Variants in GPC5 observed in about 807,000 individuals in gnomAD.
GPC5 encodes the protein glypican-5.
A neutral mutation model predicts 53.9 loss-of-function variants in GPC5; 47 were observed. The ratio of observed to expected loss-of-function variants is 0.87; its 90% CI spans 0.69 to 1.11. GPC5 has a LOEUF of 1.11. GPC5 is among the 50% of genes most tolerant of loss of function. The pLI, the probability that GPC5 is intolerant of heterozygous loss-of-function variation, is 0.00. For missense variants in GPC5, 748 were observed against 713.1 expected (o/e 1.05, Z -0.56); for synonymous variants, 286 against 263.3 (o/e 1.09, Z -0.84).
chr13:91,431,157 G>T (rs1316475516), intron 1 of GPC5, among the ~76,000 whole-genome samples: 1 of 152,124 alleles, frequency 6.6e-6, no homozygotes, highest in Non-Finnish European at 1.5e-5. Flanking sequence ...GGGATTACAG[G>T]TATGAGCCAC....
intron 2 of GPC5, among the ~76,000 whole-genome samples, chr13:91,686,489 C>G (rs778459787): frequency 5.9e-4 from 89 of 151,842 alleles, no homozygotes; most frequent in Non-Finnish European, 1.1e-3. Flanking sequence ...GCACATTTTA[C>G]TTTTTGGAAA....
At chr13:91,448,665 C>T (rs1180719782) in intron 1 of GPC5, 96 bp from the exon 2 acceptor site, 3 of 1,243,728 alleles carry the variant, frequency 2.4e-6, no homozygotes, top group Admixed American at 4.9e-5. Flanking sequence ...CTCACATAGT[C>T]CTTTGTGTGC....
chr13:92,647,923 C>T (rs1885826727), intron 7 of GPC5, among the ~76,000 whole-genome samples: 1 of 151,998 alleles, frequency 6.6e-6, no homozygotes, highest in South Asian at 2.1e-4. Context: ...CATGACAAAT[C>T]ATGTCTTGTT....
intron 7 of GPC5, among the ~76,000 whole-genome samples, chr13:92,725,509 A>T (rs1888619301): frequency 6.6e-6 from 1 of 151,606 alleles, no homozygotes; most frequent in East Asian, 1.9e-4. Flanking sequence ...TATGTAAGGA[A>T]CTACTCTAAG....
At chr13:92,069,678 T>C (rs1043292423) in intron 6 of GPC5, among the ~76,000 whole-genome samples, 5 of 152,122 alleles carry the variant, frequency 3.3e-5, no homozygotes, top group African/African-American at 4.8e-5. Context: ...AACCCTCTCA[T>C]ATATAATAAT....
At chr13:92,454,276 G>A (rs1813706970) in intron 7 of GPC5, among the ~76,000 whole-genome samples, 1 of 152,014 alleles carries the variant, frequency 6.6e-6, no homozygotes, top group Admixed American at 6.6e-5. Context: ...AATGTGACTT[G>A]TCTTTATCAA....
chr13:91,525,940 C>T (rs1244131538), intron 2 of GPC5, among the ~76,000 whole-genome samples: 2 of 152,090 alleles, frequency 1.3e-5, no homozygotes, highest in East Asian at 3.9e-4. Context: ...TTGTCCTCTA[C>T]CACTACAGGT....
chr13:91,526,185 C>T (rs946741043), intron 2 of GPC5, among the ~76,000 whole-genome samples: 19 of 152,252 alleles, frequency 1.2e-4, no homozygotes, highest in African/African-American at 3.6e-4. Context: ...GAAGGAGAGA[C>T]GATTTTAACA....
intron 6 of GPC5, among the ~76,000 whole-genome samples, chr13:91,950,156 A>G (rs140727988): frequency 4.9e-4 from 74 of 151,754 alleles, no homozygotes; most frequent in African/African-American, 1.7e-3. Context: ...GATTCTGTAA[A>G]TTTTCACTAT....
intron 7 of GPC5, among the ~76,000 whole-genome samples, chr13:92,532,995 A>T (rs1259108296): frequency 6.6e-6 from 1 of 152,170 alleles, no homozygotes; most frequent in Non-Finnish European, 1.5e-5. Flanking sequence ...TTTCTATATG[A>T]CAGTCTCATT....
intron 2 of GPC5, among the ~76,000 whole-genome samples, chr13:91,535,066 A>G (rs1364190603): frequency 6.6e-6 from 1 of 152,126 alleles, no homozygotes; most frequent in Non-Finnish European, 1.5e-5. Flanking sequence ...CTCAGGCTTC[A>G]TTTTTAGCTC....
chr13:92,611,035 A>G (rs1018343021), intron 7 of GPC5, among the ~76,000 whole-genome samples: 3 of 146,334 alleles, frequency 2.1e-5, no homozygotes, highest in African/African-American at 5.0e-5. Context: ...AATATGTCCT[A>G]TGTGGTACAT....
chr13:92,079,587 T>G (rs1475665500), intron 6 of GPC5, among the ~76,000 whole-genome samples: 1 of 152,236 alleles, frequency 6.6e-6, no homozygotes, highest in Non-Finnish European at 1.5e-5. Context: ...AGGCTCCTTC[T>G]TTCCTTACTT....
intron 7 of GPC5, among the ~76,000 whole-genome samples, chr13:92,294,242 T>C (rs2139187968): frequency 6.6e-6 from 1 of 152,322 alleles, no homozygotes; most frequent in Admixed American, 6.5e-5. Flanking sequence ...TTTCTTTATC[T>C]TGTGGAATAC....
chr13:91,561,567 A>G (rs776496057), intron 2 of GPC5, among the ~76,000 whole-genome samples: 3 of 151,668 alleles, frequency 2.0e-5, no homozygotes, highest in South Asian at 2.1e-4. Flanking sequence ...CAGATGTATT[A>G]TTTTTACTGG....
At chr13:91,590,392 G>T (rs56082492) in intron 2 of GPC5, among the ~76,000 whole-genome samples, 15,191 of 151,804 alleles carry the variant, frequency 0.1, 1,407 homozygotes, top group South Asian at 0.25. Context: ...TAATAATTTA[G>T]CAATCCAACT....
chr13:91,512,175 A>G (rs763169329), intron 2 of GPC5, among the ~76,000 whole-genome samples: 8 of 152,206 alleles, frequency 5.3e-5, no homozygotes, highest in Non-Finnish European at 8.8e-5. Flanking sequence ...AAATCGCTCT[A>G]TGTTTTACAT....
At chr13:92,602,233 C>T (rs199972795) in intron 7 of GPC5, among the ~76,000 whole-genome samples, 84 of 119,422 alleles carry the variant, frequency 7.0e-4, no homozygotes, top group African/African-American at 1.4e-3. Context: ...ATATATATAA[C>T]ATATATATAT....
At chr13:92,076,083 T>C (rs1303275943) in intron 6 of GPC5, among the ~76,000 whole-genome samples, 1 of 151,646 alleles carries the variant, frequency 6.6e-6, no homozygotes, top group Non-Finnish European at 1.5e-5. Context: ...GTATAATTTT[T>C]TTTTTTTTTT....
Sources: allele counts gnomAD v4.1 joint callset (sites outside exome capture counted in the v4.1 genomes callset), GRCh38; gene constraint gnomAD v4.1.1; transcripts MANE v1.5; gene names NCBI Gene and HGNC (gene_info 2026-07-23, HGNC 2026-07-21).